Variants in HSD17B11 observed in about 807,000 individuals in gnomAD.
The protein encoded by HSD17B11 is estradiol 17-beta-dehydrogenase 11.
A neutral mutation model predicts 27.8 loss-of-function variants in HSD17B11; 22 were observed. The ratio of observed to expected loss-of-function variants is 0.79; its 90% CI spans 0.56 to 1.13. The LOEUF is 1.13. Ranked by LOEUF, HSD17B11 falls within the 50% of genes most tolerant of loss-of-function variation. The pLI is 0.00. For synonymous variants in HSD17B11, 117 were observed against 132.8 expected (o/e 0.88, Z 0.82); for missense variants, 314 against 351.1 (o/e 0.89, Z 0.84).
intron 2 of HSD17B11, among the ~76,000 whole-genome samples, chr4:87,375,213 C>A (rs62319105): frequency 0.31 from 46,353 of 151,934 alleles, 7,428 homozygotes; most frequent in African/African-American, 0.36. Context: ...CGCAATGACT[C>A]TTGTTTTTCT....
intron 2 of HSD17B11, among the ~76,000 whole-genome samples, chr4:87,378,877 TATAAATATATATATATAA>T (rs1720016640): frequency 1.8e-4 from 3 of 16,636 alleles, no homozygotes; most frequent in Admixed American, 1.1e-3. Context: ...AATATATATA[TATAAATATATATATATAA>T]ATATATATAA....
intron 2 of HSD17B11, among the ~76,000 whole-genome samples, chr4:87,377,842 G>A (rs1735865699): frequency 1.3e-5 from 2 of 152,016 alleles, no homozygotes; most frequent in Admixed American, 1.3e-4. Context: ...AGCCTATGAG[G>A]GGCTTTTACT....
At chr4:87,377,319 G>A (rs1735848731) in intron 2 of HSD17B11, among the ~76,000 whole-genome samples, 1 of 151,802 alleles carries the variant, frequency 6.6e-6, no homozygotes. Context: ...GCGTGGTGAC[G>A]TGCACCTGTA....
At chr4:87,362,672 ACTC>A (rs1243556486) in intron 4 of HSD17B11, among the ~76,000 whole-genome samples, 1 of 151,952 alleles carries the variant, frequency 6.6e-6, no homozygotes, top group Non-Finnish European at 1.5e-5. Flanking sequence ...CTGCCTTTGT[ACTC>A]TTTGCTGATG....
intron 3 of HSD17B11, 116 bp from the exon 4 acceptor site, chr4:87,372,931 AAAAC>A (rs1245681767): frequency 3.1e-6 from 2 of 644,018 alleles, no homozygotes; most frequent in African/African-American, 3.7e-5. Flanking sequence ...ATAAATGAAA[AAAAC>A]AAACTAACTG....
chr4:87,363,321 T>G (rs1362149003), intron 4 of HSD17B11, among the ~76,000 whole-genome samples: 1 of 152,156 alleles, frequency 6.6e-6, no homozygotes, highest in Non-Finnish European at 1.5e-5. Context: ...AAATCAGTGT[T>G]TATCACCTCT....
At chr4:87,369,957 C>G (rs895948646) in intron 4 of HSD17B11, among the ~76,000 whole-genome samples, 1 of 152,178 alleles carries the variant, frequency 6.6e-6, no homozygotes, top group Non-Finnish European at 1.5e-5. Flanking sequence ...AAAAGCTTCA[C>G]CTTCCACCAT....
chr4:87,382,391 A>G, intron 1 of HSD17B11, 29 bp from the exon 2 acceptor site: 1 of 1,310,056 alleles, frequency 7.6e-7, no homozygotes, highest in Non-Finnish European at 1.1e-6. Context: ...AGGGCAAGGT[A>G]ATAATTGATA....
rs1017989820 is a variant in HSD17B11 at position 87,382,308 on chromosome 4, T to C, written c.265A>G (p.Thr89Ala). The stretch of plus-strand genomic sequence containing the variant: ...CGGTTGCTGCAGTCTACCACAAAGG[T>C]ATGAACCTTGGCACCCAGTCCCTTG... ...KCKGLGAKVH[T>A]FVVDCSNRED... Residue 89 changes from threonine (T) to alanine (A), a missense_variant, in exon 2 of 7, where the codon ACC becomes GCC. Transcript: ENST00000358290. The C allele has an allele frequency of 2.5e-6, 4 of 1,614,114 alleles. No individual in the cohort carries two copies. Among genetic ancestry groups the C allele is most frequent in the Non-Finnish European group, 3.4e-6 (4 of 1,179,968 alleles).
chr4:87,363,109 C>G (rs1338513660), intron 4 of HSD17B11, among the ~76,000 whole-genome samples: 1 of 151,900 alleles, frequency 6.6e-6, no homozygotes, highest in African/African-American at 2.4e-5. Flanking sequence ...ATATTTTGCT[C>G]TGGTCAAAAT....
rs58297196 is a variant in HSD17B11 at position 87,391,099 on chromosome 4, GTTTTT to G, written c.-34_-30del. On this transcript the variant is annotated 5_prime_UTR_variant, in exon 1 of 7. Coordinates refer to ENST00000358290, the MANE Select transcript of HSD17B11 (RefSeq NM_016245.5). ...TTTTGTGGCTGCGAGCGTTTGGTGT[GTTTTT>G]TTTTTTTTTTACCACTCTAAACTGC... The G allele has an allele frequency of 7.0e-6, 9 of 1,291,322 alleles. No individual in the cohort carries two copies. The highest frequency in any genetic ancestry group is 1.6e-5 in the African/African-American group (1 of 64,212). The allele number at this position is 1,291,322 out of a possible 1,614,324, so 80.0% of individuals were successfully genotyped here.
chr4:87,378,961 T>TATATATATATATATA (rs1491313608), intron 2 of HSD17B11, among the ~76,000 whole-genome samples: 1 of 17,550 alleles, frequency 5.7e-5, no homozygotes, highest in African/African-American at 5.1e-4. Context: ...TATATATATA[T>TATATATATATATATA]TTTTTTTTTT....
chr4:87,354,660 T>TA (rs1398265178), intron 5 of HSD17B11, among the ~76,000 whole-genome samples: 1 of 144,242 alleles, frequency 6.9e-6, no homozygotes, highest in Non-Finnish European at 1.5e-5. Context: ...ATAAAAAAAA[T>TA]AAAAAAAGGA....
At chr4:87,363,812 C>T (rs1340180209) in intron 4 of HSD17B11, among the ~76,000 whole-genome samples, 1 of 152,194 alleles carries the variant, frequency 6.6e-6, no homozygotes, top group African/African-American at 2.4e-5. Flanking sequence ...CAATTCCCCA[C>T]CCAGGAAATA....
At chr4:87,373,521 G>A (rs1249787372) in intron 3 of HSD17B11, among the ~76,000 whole-genome samples, 2 of 151,970 alleles carry the variant, frequency 1.3e-5, no homozygotes, top group African/African-American at 4.8e-5. Flanking sequence ...ATCAGCCTGT[G>A]CAACATGGCA....
intron 2 of HSD17B11, among the ~76,000 whole-genome samples, chr4:87,381,218 C>G (rs1489005462): frequency 6.7e-6 from 1 of 148,640 alleles, no homozygotes; most frequent in Non-Finnish European, 1.5e-5. Flanking sequence ...GAACTCAAAC[C>G]AAAAATTCCA....
chr4:87,358,211 T>G (rs1735429688), intron 4 of HSD17B11, among the ~76,000 whole-genome samples: 1 of 152,110 alleles, frequency 6.6e-6, no homozygotes, highest in South Asian at 2.1e-4. Context: ...TCTGCCCACC[T>G]CGGCCTCCCA....
At chr4:87,360,729 A>C (rs911268888) in intron 4 of HSD17B11, among the ~76,000 whole-genome samples, 1 of 152,210 alleles carries the variant, frequency 6.6e-6, no homozygotes, top group Non-Finnish European at 1.5e-5. Context: ...TGAGACTTTA[A>C]TCACAGAGCC....
intron 1 of HSD17B11, among the ~76,000 whole-genome samples, chr4:87,388,912 A>G (rs1282923257): frequency 6.6e-6 from 1 of 152,220 alleles, no homozygotes; most frequent in African/African-American, 2.4e-5. Context: ...AGCTTAAACC[A>G]CACTTTGTCA....
Sources: gnomAD v4.1 joint callset for allele counts (sites outside exome capture counted in the v4.1 genomes callset) on GRCh38, gnomAD v4.1.1 for gene constraint, MANE v1.5 for transcripts, NCBI Gene and HGNC (gene_info 2026-07-23, HGNC 2026-07-21) for gene names.